The following RIMBP2 variants were observed in gnomAD, a reference collection of about 807,000 sequenced individuals.
RIMBP2 encodes RIMS binding protein 2.
Under a neutral mutation model 118.6 loss-of-function variants are expected in RIMBP2, and 48 were observed. That is an observed-to-expected ratio of 0.40 (90% confidence interval 0.32 to 0.51). The LOEUF (loss-of-function observed/expected upper bound fraction) is 0.51. Ranked by LOEUF, RIMBP2 falls within the 20% of genes least tolerant of loss-of-function variation. The pLI is 0.41. For synonymous variants in RIMBP2, 762 were observed against 742.9 expected (o/e 1.03, Z -0.42); for missense variants, 1,551 against 1,768.3 (o/e 0.88, Z 2.20).
chr12:130,460,921 C>T (rs934184296), intron 6 of RIMBP2, among the ~76,000 whole-genome samples: 1 of 152,158 alleles, frequency 6.6e-6, no homozygotes, highest in African/African-American at 2.4e-5. Flanking sequence ...AGATTCCATG[C>T]CCTCCTGTGA....
chr12:130,486,658 C>CA (rs11450344), intron 4 of RIMBP2, among the ~76,000 whole-genome samples: 11,487 of 151,416 alleles, frequency 0.076, 1,185 homozygotes, highest in African/African-American at 0.23. Context: ...AGCTGACAGT[C>CA]ATTCTTGACT....
At chr12:130,499,281 A>C (rs547138117) in intron 4 of RIMBP2, among the ~76,000 whole-genome samples, 2 of 151,828 alleles carry the variant, frequency 1.3e-5, no homozygotes, top group Non-Finnish European at 2.9e-5. Flanking sequence ...GGGTGGGGAC[A>C]TAGAGCCAAA....
chr12:130,576,590 C>T lies in RIMBP2; in HGVS notation c.-217+51732G>A, dbSNP rs1415101212. On this transcript the variant is annotated intron_variant, in intron 2 of 22. Coordinates refer to ENST00000690449, the MANE Select transcript of RIMBP2 (RefSeq NM_001393629.1). The surrounding 1 kb of genome is among the most constrained non-coding windows in gnomAD (Gnocchi z 4.2). ...AAGCCAGACTATTCAGTCCTCCCAG[C>T]CAAGTGGCTGGTAAACCCGAGCCTC... 4.6e-5 allele frequency among the ~76,000 whole-genome samples: 7 copies of T among 152,194 alleles called. No homozygotes were observed. Among genetic ancestry groups the T allele is most frequent in the Non-Finnish European group, 1.0e-4 (7 of 68,030 alleles).
intron 7 of RIMBP2, 67 bp from the exon 8 acceptor site, chr12:130,451,407 T>C: frequency 2.0e-6 from 3 of 1,516,290 alleles, no homozygotes; most frequent in Admixed American, 1.9e-5. Flanking sequence ...ACGTTGGTCA[T>C]GCGCCTACCC....
At chr12:130,459,044 CAA>C (rs760377513) in intron 6 of RIMBP2, among the ~76,000 whole-genome samples, 21 of 24,102 alleles carry the variant, frequency 8.7e-4, no homozygotes, top group South Asian at 1.8e-3. Context: ...CACTCTGTCT[CAA>C]AAAAAAAAAA....
chr12:130,407,589 G>A (rs529416240), intron 20 of RIMBP2, 137 bp downstream of exon 20: 14 of 773,460 alleles, frequency 1.8e-5, no homozygotes, highest in East Asian at 4.9e-5. Context: ...GCCATCCCTC[G>A]GATCGGCAGC....
Position 130,436,959 on chromosome 12 carries a change from T to A in RIMBP2, c.1989A>T (p.Gly663=). 2 of 1,606,908 alleles carry A rather than the reference T, an allele frequency of 1.2e-6. No homozygotes were observed. The highest frequency in any genetic ancestry group is 1.7e-6 in the Non-Finnish European group (2 of 1,177,552). The stretch of plus-strand genomic sequence containing the variant: ...TGCGGCTGGGTGAGGGCGACCGCCT[T>A]CCGGGGCCCACGGGCGGCTCCAGCA... ...GHMLEPPVGP[G]RRSPSPSRIL... is the part of the protein sequence containing the mutation. The change falls in exon 13 of 23, where the codon GGA becomes GGT. Residue 663 remains glycine, a synonymous_variant. Coordinates refer to ENST00000690449, the MANE Select transcript of RIMBP2 (RefSeq NM_001393629.1).
chr12:130,532,935 A>T (rs559330108), intron 2 of RIMBP2, among the ~76,000 whole-genome samples: 1 of 150,784 alleles, frequency 6.6e-6, no homozygotes, highest in Non-Finnish European at 1.5e-5. Context: ...AGCCTCTAGG[A>T]GGGACGTCTA....
intron 1 of RIMBP2, among the ~76,000 whole-genome samples, chr12:130,664,435 G>GCACACACACACA (rs1362551497): frequency 1.8e-5 from 1 of 56,386 alleles, no homozygotes; most frequent in Non-Finnish European, 4.6e-5. Context: ...ACACATGCAT[G>GCACACACACACA]CACGCACACA....
chr12:130,397,754 C>T (rs903023139), intron 22 of RIMBP2: 34 of 369,930 alleles, frequency 9.2e-5, no homozygotes, highest in Admixed American at 1.8e-4. Context: ...GTGTGGGTTC[C>T]GTTTCTCTGT....
chr12:130,646,406 T>G (rs79635604), intron 1 of RIMBP2, among the ~76,000 whole-genome samples: 166 of 10,582 alleles, frequency 0.016, 35 homozygotes, highest in South Asian at 0.067. Flanking sequence ...CACCTGCCTC[T>G]CCACCTCCCT....
intron 4 of RIMBP2, among the ~76,000 whole-genome samples, chr12:130,486,196 C>T (rs1368298216): frequency 1.3e-5 from 2 of 152,224 alleles, no homozygotes; most frequent in East Asian, 3.9e-4. Context: ...CCCTGCAGCC[C>T]GAACCCATGG....
rs534338908 is a variant in RIMBP2 at position 130,511,229 on chromosome 12, G to A, written c.-126-4459C>T. Among the ~76,000 whole-genome samples, 10 of 152,230 alleles carry A rather than the reference G, an allele frequency of 6.6e-5. No individual in the cohort carries two copies. In the East Asian group the frequency reaches 1.9e-3, roughly 29 times the overall value. On this transcript the variant is annotated intron_variant, in intron 3 of 22. Transcript: ENST00000690449. This position sits in a 1 kb window ranked among gnomAD's most constrained non-coding sequence, Gnocchi z 4.3. ...AGATCAGGGAAGGAAGCCAAAAAAA[G>A]GCAAGAGGAGAGACTGTCCCCCAGA...
chr12:130,672,381 C>T (rs7308708), intron 1 of RIMBP2, among the ~76,000 whole-genome samples: 37,284 of 152,152 alleles, frequency 0.25, 4,930 homozygotes, highest in Non-Finnish European at 0.31. Context: ...GGCTAAACAC[C>T]GCTTCACAGC....
intron 2 of RIMBP2, among the ~76,000 whole-genome samples, chr12:130,618,039 A>G (rs1234361012): frequency 6.6e-6 from 1 of 151,434 alleles, no homozygotes; most frequent in Admixed American, 6.6e-5. Context: ...AAAAAAAGTA[A>G]AAAAGGGGAA....
At chr12:130,679,595 C>T (rs953063480) in intron 1 of RIMBP2, among the ~76,000 whole-genome samples, 11 of 152,114 alleles carry the variant, frequency 7.2e-5, no homozygotes, top group East Asian at 1.9e-4. Flanking sequence ...CAGGTGCGGG[C>T]GCATTCGCCT....
rs1185819153 is a variant in RIMBP2, at chr12:130,648,679, G to A, written c.-351-20223C>T. Among the ~76,000 whole-genome samples the A allele has an allele frequency of 5.2e-5, 7 of 135,800 alleles. 2 individuals carry two copies. Among genetic ancestry groups the A allele is most frequent in the East Asian group, 2.0e-4 (1 of 4,928 alleles). The allele number at this position is 135,800 out of a possible 152,430, so 89.1% of individuals were successfully genotyped here. ...GTATCTTTTTTTTTTTTTTTGAGAC[G>A]GAGTTTCGCTCTTGTTGCCCAGGCT... is the stretch of plus-strand genomic sequence containing the variant. On this transcript the variant is annotated intron_variant, in intron 1 of 22. Coordinates refer to ENST00000690449, the MANE Select transcript of RIMBP2 (RefSeq NM_001393629.1).
chr12:130,559,909 C>T (rs997653342), intron 2 of RIMBP2, among the ~76,000 whole-genome samples: 3 of 152,202 alleles, frequency 2.0e-5, no homozygotes, highest in African/African-American at 7.2e-5. Flanking sequence ...GTAACACCTG[C>T]CTCGAAGGGT....
intron 2 of RIMBP2, among the ~76,000 whole-genome samples, chr12:130,586,616 G>A (rs2058900091): frequency 6.7e-6 from 1 of 148,414 alleles, no homozygotes; most frequent in Admixed American, 6.8e-5. Flanking sequence ...GGGAAAACTG[G>A]CTAGCCATAT....
Sources: gnomAD v4.1 joint callset for allele counts (sites outside exome capture counted in the v4.1 genomes callset) on GRCh38, gnomAD v4.1.1 for gene constraint, Gnocchi (gnomAD v3.1) non-coding constraint, MANE v1.5 for transcripts, NCBI Gene and HGNC (gene_info 2026-07-23, HGNC 2026-07-21) for gene names.